The following DLG2 variants were observed in gnomAD, a reference collection of about 807,000 sequenced individuals.
DLG2 encodes discs large MAGUK scaffold protein 2, also known as disks large homolog 2.
DLG2 carries 45 observed loss-of-function variants against 132.5 expected under a neutral mutation model. The ratio of observed to expected loss-of-function variants is 0.34; its 90% CI spans 0.27 to 0.44. The LOEUF is 0.44. Among genes scored for constraint, DLG2 ranks in the 20% least tolerant of loss-of-function variants. The pLI is 1.00. For synonymous variants in DLG2, 424 were observed against 419.6 expected (o/e 1.01, Z -0.13); for missense variants, 1,045 against 1,196.9 (o/e 0.87, Z 1.87).
In DLG2 at chr11:84,541,776, G is replaced by T. The variant is rs541530325; in HGVS notation, c.358-7045C>A. Among the ~76,000 whole-genome samples, 46 of 152,178 alleles carry T rather than the reference G, an allele frequency of 3.0e-4. 1 individual carries two copies. Among genetic ancestry groups the T allele is most frequent in the Middle Eastern group, 6.8e-3 (2 of 294 alleles). On this transcript the variant is annotated intron_variant, in intron 6 of 27. Coordinates refer to ENST00000376104, the MANE Select transcript of DLG2 (RefSeq NM_001142699.3). ...AAAGCCCTCCCAGCTGAGCTTGCAC[G>T]CAGTTATACTCATACTCATTTTCTA...
In DLG2 at chr11:85,423,184, G is replaced by A. The variant is rs185728645; in HGVS notation, c.41-137819C>T. On this transcript the variant is annotated intron_variant, in intron 3 of 27. Coordinates refer to ENST00000376104, the MANE Select transcript of DLG2 (RefSeq NM_001142699.3). ...TTCCTATGGATGTGGCTTCCTGAGA[G>A]CTGAGCTGTAGTGACTATTATCACT... 1.3e-4 allele frequency among the ~76,000 whole-genome samples: 20 copies of A among 152,290 alleles called. No homozygotes were observed. The East Asian group carries it at 3.9e-3, about 29-fold the overall frequency.
intron 3 of DLG2, among the ~76,000 whole-genome samples, chr11:85,510,673 T>C (rs1300638703): frequency 2.0e-5 from 3 of 152,184 alleles, no homozygotes; most frequent in Non-Finnish European, 4.4e-5. Flanking sequence ...CACAATGAGA[T>C]ACCACCTCAC....
chr11:85,400,947 AAAAAAG>A (rs905438458), intron 3 of DLG2, among the ~76,000 whole-genome samples: 42 of 151,614 alleles, frequency 2.8e-4, no homozygotes, highest in Non-Finnish European at 5.0e-4. Context: ...ATTAAAAAAA[AAAAAAG>A]AAAAAGAGGG....
chr11:83,530,104 A>G (rs923266687), intron 21 of DLG2, among the ~76,000 whole-genome samples: 4 of 151,944 alleles, frequency 2.6e-5, no homozygotes, highest in Admixed American at 1.3e-4. Flanking sequence ...CTGTCTATCT[A>G]TCTATCTATC....
intron 4 of DLG2, among the ~76,000 whole-genome samples, chr11:85,276,529 G>A (rs1420576685): frequency 6.6e-6 from 1 of 152,062 alleles, no homozygotes; most frequent in Non-Finnish European, 1.5e-5. Context: ...GGAACTGTAT[G>A]ACATCATTTT....
At chr11:85,043,922 A>G (rs1308967587) in intron 6 of DLG2, among the ~76,000 whole-genome samples, 6 of 151,926 alleles carry the variant, frequency 3.9e-5, no homozygotes, top group Non-Finnish European at 7.4e-5. Context: ...ACTTATTGGT[A>G]TGTAAGGTTG....
At chr11:83,974,959 T>C (rs1238829101) in intron 12 of DLG2, among the ~76,000 whole-genome samples, 1 of 152,024 alleles carries the variant, frequency 6.6e-6, no homozygotes, top group Non-Finnish European at 1.5e-5. Flanking sequence ...CACTGACAAT[T>C]TTTTCTTCAA....
chr11:85,049,500 G>C (rs2062685056), intron 6 of DLG2, among the ~76,000 whole-genome samples: 2 of 151,938 alleles, frequency 1.3e-5, no homozygotes, highest in South Asian at 4.2e-4. Flanking sequence ...TGGAGGGGCT[G>C]TACACTGTAG....
chr11:84,857,345 T>A (rs990623695), intron 6 of DLG2, among the ~76,000 whole-genome samples: 2 of 151,338 alleles, frequency 1.3e-5, no homozygotes, highest in Non-Finnish European at 2.9e-5. Flanking sequence ...GAAGGTAAGA[T>A]CAAGGCAACA....
chr11:85,568,527 C>T (rs1020075427), intron 3 of DLG2, among the ~76,000 whole-genome samples: 1 of 152,084 alleles, frequency 6.6e-6, no homozygotes, highest in African/African-American at 2.4e-5. Context: ...GTAGAATTCA[C>T]CATTGAAGCC....
chr11:84,960,018 T>C (rs1253469018), intron 6 of DLG2, among the ~76,000 whole-genome samples: 1 of 152,246 alleles, frequency 6.6e-6, no homozygotes, highest in East Asian at 1.9e-4. Context: ...ATATCTACTA[T>C]GTTCCAGGTC....
chr11:85,452,971 T>C, intron 3 of DLG2: 1 of 206,170 alleles, frequency 4.9e-6, no homozygotes, highest in South Asian at 1.0e-4. Context: ...CAGATTCAAG[T>C]ACACCTGATC....
intron 11 of DLG2, among the ~76,000 whole-genome samples, chr11:83,995,848 TA>T (rs1446439015): frequency 6.6e-6 from 1 of 152,190 alleles, no homozygotes; most frequent in Non-Finnish European, 1.5e-5. Context: ...GACTTAAATC[TA>T]AGACCTGAAA....
chr11:83,680,138 G>A (rs1443860679), intron 18 of DLG2, among the ~76,000 whole-genome samples: 1 of 152,114 alleles, frequency 6.6e-6, no homozygotes, highest in African/African-American at 2.4e-5. Context: ...GCTATAAATA[G>A]AGTTCATCAC....
At chr11:83,910,868 G>A (rs559620648) in intron 15 of DLG2, among the ~76,000 whole-genome samples, 7 of 152,102 alleles carry the variant, frequency 4.6e-5, no homozygotes, top group South Asian at 4.1e-4. Flanking sequence ...TATGTGTATG[G>A]CACTATTCTA....
chr11:83,994,003 G>T (rs1306136723), intron 11 of DLG2, among the ~76,000 whole-genome samples: 1 of 151,990 alleles, frequency 6.6e-6, no homozygotes, highest in African/African-American at 2.4e-5. Context: ...ATTCACAAAC[G>T]CCTGTATTCA....
At chr11:85,510,164 A>G (rs2094026854) in intron 3 of DLG2, 1 of 152,028 alleles carries the variant, frequency 6.6e-6, no homozygotes, top group Non-Finnish European at 1.5e-5. Context: ...ACAAAGAAAG[A>G]AAAACTAAAA....
chr11:84,558,632 C>T (rs755543200), intron 6 of DLG2, among the ~76,000 whole-genome samples: 2 of 152,116 alleles, frequency 1.3e-5, no homozygotes, highest in South Asian at 4.1e-4. Context: ...CCTTCCTTTA[C>T]TTTCTTTATA....
At chr11:83,632,339 G>T (rs1227778112) in intron 19 of DLG2, 2 of 152,282 alleles carry the variant, frequency 1.3e-5, no homozygotes, top group Non-Finnish European at 1.5e-5. Context: ...GCTGGAGTCA[G>T]ATTGAATTCA....
Sources: gnomAD v4.1 joint callset for allele counts (sites outside exome capture counted in the v4.1 genomes callset) on GRCh38, gnomAD v4.1.1 for gene constraint, MANE v1.5 for transcripts, NCBI Gene and HGNC (gene_info 2026-07-23, HGNC 2026-07-21) for gene names.